The following KCNC1 variants were observed in gnomAD, a reference collection of about 807,000 sequenced individuals.
The protein encoded by KCNC1 is potassium voltage-gated channel subfamily C member 1, also known as voltage-gated potassium channel KCNC1.
KCNC1 carries 8 observed loss-of-function variants against 43.4 expected under a neutral mutation model. The observed-to-expected ratio is 0.18, with a 90% confidence interval of 0.11 to 0.33. The LOEUF (loss-of-function observed/expected upper bound fraction) is 0.33, where lower values mean the gene tolerates loss of function less well. Among genes scored for constraint, KCNC1 ranks in the 10% least tolerant of loss-of-function variants. The pLI is 1.00. For synonymous variants in KCNC1, 361 were observed against 360.5 expected (o/e 1.00, Z -0.01); for missense variants, 420 against 836.0 (o/e 0.50, Z 6.14).
At chr11:17,778,247 T>C (rs1011189560) in intron 2 of KCNC1, among the ~76,000 whole-genome samples, 2 of 152,226 alleles carry the variant, frequency 1.3e-5, no homozygotes, top group Non-Finnish European at 2.9e-5. Context: ...TCCACGGCTC[T>C]GCTCCGAGAT....
chr11:17,778,074 T>C (rs1030539015), intron 2 of KCNC1, among the ~76,000 whole-genome samples: 1 of 152,188 alleles, frequency 6.6e-6, no homozygotes, highest in African/African-American at 2.4e-5. Context: ...ACAAAAGGGC[T>C]TGTGCTTGAG....
chr11:17,765,293 CAGCTCCGATCCGAA>C (rs1457637437), intron 1 of KCNC1, among the ~76,000 whole-genome samples: 6 of 152,248 alleles, frequency 3.9e-5, no homozygotes, highest in African/African-American at 1.4e-4. Flanking sequence ...AACCCCCGAA[CAGCTCCGATCCGAA>C]AGGCAAGCAC....
At chr11:17,769,618 G>A (rs1042414693) in intron 1 of KCNC1, among the ~76,000 whole-genome samples, 1 of 151,968 alleles carries the variant, frequency 6.6e-6, no homozygotes, top group Non-Finnish European at 1.5e-5. Flanking sequence ...AAGGCAGGAG[G>A]CTTACCTGAG....
Position 17,735,931 on chromosome 11 carries a change from C to G in KCNC1, c.-72C>G. ...GGAAGAGGGCGCGCGCCCCCCTCCC[C>G]GGCGCCAACTCCCCCTGGCGGCCGC... On this transcript the variant is annotated 5_prime_UTR_variant, in exon 1 of 4. Transcript: ENST00000265969. The surrounding 1 kb of genome is among the most constrained non-coding windows in gnomAD (Gnocchi z 6.7). 1 of 1,379,098 alleles carries G rather than the reference C, an allele frequency of 7.3e-7. No individual in the cohort carries two copies. Among genetic ancestry groups the G allele is most frequent in the Non-Finnish European group, 9.3e-7 (1 of 1,074,620 alleles). The allele number at this position is 1,379,098 out of a possible 1,614,324, so 85.4% of individuals were successfully genotyped here.
In KCNC1 at chr11:17,779,844, A is replaced by C. The variant is rs944271573; in HGVS notation, c.1693+200A>C. On this transcript the variant is annotated intron_variant, in intron 3 of 3. Coordinates refer to ENST00000265969, the MANE Select transcript of KCNC1 (RefSeq NM_001112741.2). The surrounding 1 kb of genome is among the most constrained non-coding windows in gnomAD (Gnocchi z 7.2). ...AGTGAGATGTCAGGCTGGCAGAGAGAACTTGAGGCCCTGGCAGCTGTGGGT... is the reference window on the plus strand; with the variant it reads ...AGTGAGATGTCAGGCTGGCAGAGAGCACTTGAGGCCCTGGCAGCTGTGGGT... The C allele has an allele frequency of 9.1e-6, 4 of 439,742 alleles. No homozygotes were observed. Among genetic ancestry groups the C allele is most frequent in the Non-Finnish European group, 1.6e-5 (4 of 252,128 alleles). 27.2% of individuals were successfully genotyped at this position (439,742 alleles called of 1,614,324 possible). A position where few individuals can be genotyped will look rare whatever the true frequency, so the allele number is the denominator to read the frequency against.
chr11:17,775,281 T>TGGCCCCCCCCCCCCC, intron 2 of KCNC1: 1 of 935,852 alleles, frequency 1.1e-6, no homozygotes, highest in Non-Finnish European at 1.3e-6. Flanking sequence ...TCTGAGGGCA[T>TGGCCCCCCCCCCCCC]CCCTCCCGCC....
At chr11:17,775,609 T>C (rs2133807717) in intron 2 of KCNC1, 1 of 985,610 alleles carries the variant, frequency 1.0e-6, no homozygotes, top group African/African-American at 1.7e-5. Context: ...TGCAGTCGGA[T>C]GCCCAGACCG....
chr11:17,734,801 G>T lies in KCNC1; in HGVS notation c.-1202G>T. On this transcript the variant is annotated 5_prime_UTR_variant, in exon 1 of 4. Transcript: ENST00000265969. ...ACGCGGACCGCGCGAACGAGCAGGC[G>T]ACGGGCGAGCAGCAAGCGGAGCAGC... The T allele has an allele frequency of 1.3e-5, 2 of 151,718 alleles. No homozygotes were observed. The highest frequency in any genetic ancestry group is 3.9e-4 in the South Asian group (2 of 5,166). 9.4% of individuals were successfully genotyped at this position (151,718 alleles called of 1,614,324 possible).
At chr11:17,774,779 C>G in intron 2 of KCNC1, 1 of 985,466 alleles carries the variant, frequency 1.0e-6, no homozygotes, top group Non-Finnish European at 1.2e-6. Flanking sequence ...TGCCTGGATC[C>G]CTCCTGCCTC....
At chr11:17,737,046 C>T (rs527588961) in intron 1 of KCNC1, among the ~76,000 whole-genome samples, 3 of 152,280 alleles carry the variant, frequency 2.0e-5, no homozygotes, top group East Asian at 1.9e-4. Flanking sequence ...CAGGTAAAGG[C>T]GCATCTGGAG....
chr11:17,772,638 C>T, intron 2 of KCNC1, 40 bp downstream of exon 2: 1 of 1,597,538 alleles, frequency 6.3e-7, no homozygotes, highest in African/African-American at 1.3e-5. Flanking sequence ...TGACCTTTCA[C>T]CTCTGCCCCC....
chr11:17,775,355 T>C (rs925042746), intron 2 of KCNC1: 2 of 982,310 alleles, frequency 2.0e-6, no homozygotes. Context: ...CTTGGTCTCG[T>C]CTGAAGCCTC....
Position 17,759,836 on chromosome 11 carries a change from A to G in KCNC1, c.571-11829A>G, listed in dbSNP as rs566042720. On this transcript the variant is annotated intron_variant, in intron 1 of 3. Transcript: ENST00000265969. ...CAGATATAATAATAATGACAATTTG[A>G]AATATTGCTAGAATAACCAAAATAT... is the stretch of plus-strand genomic sequence containing the variant. Among the ~76,000 whole-genome samples the G allele has an allele frequency of 2.6e-5, 4 of 152,354 alleles. No individual in the cohort carries two copies. In the East Asian group the frequency reaches 7.7e-4, roughly 29 times the overall value.
Position 17,772,021 on chromosome 11 carries a change from C to T in KCNC1, c.927C>T (p.Phe309=), listed in dbSNP as rs1455532885. The part of the protein sequence containing the change: ...SSKAAKDVLG[F]LRVVRFVRIL... ...AGGCAGCCAAGGACGTGCTGGGCTT[C>T]CTGCGCGTCGTCCGCTTCGTGCGCA... is the stretch of plus-strand genomic sequence containing the variant. The change falls in exon 2 of 4, where the codon TTC becomes TTT. Residue 309 remains phenylalanine, a synonymous_variant. Coordinates refer to ENST00000265969, the MANE Select transcript of KCNC1 (RefSeq NM_001112741.2). 6.2e-7 allele frequency: 1 copy of T among 1,613,700 alleles called. No homozygotes were observed. Among genetic ancestry groups the T allele is most frequent in the South Asian group, 1.1e-5 (1 of 91,082 alleles).
intron 1 of KCNC1, among the ~76,000 whole-genome samples, chr11:17,757,934 T>C (rs951636113): frequency 8.5e-5 from 13 of 152,192 alleles, no homozygotes; most frequent in Non-Finnish European, 1.8e-4. Context: ...GGGGTGGACA[T>C]AGCAATTTTG....
chr11:17,769,140 A>G (rs1849192938), intron 1 of KCNC1, among the ~76,000 whole-genome samples: 2 of 152,134 alleles, frequency 1.3e-5, no homozygotes, highest in Admixed American at 6.5e-5. Flanking sequence ...AGCCTCTTCT[A>G]GTTCATAGGG....
At position 17,781,744 on chromosome 11, in the gene KCNC1, T is replaced by G. The variant is rs1484183116; in HGVS notation, c.*10T>G. The G allele has an allele frequency of 3.2e-6, 5 of 1,547,902 alleles. No individual in the cohort carries two copies. Among genetic ancestry groups the G allele is most frequent in the Non-Finnish European group, 2.6e-6 (3 of 1,143,510 alleles). On this transcript the variant is annotated 3_prime_UTR_variant, in exon 4 of 4. Coordinates refer to ENST00000265969, the MANE Select transcript of KCNC1 (RefSeq NM_001112741.2). This position sits in a 1 kb window ranked among gnomAD's most constrained non-coding sequence, Gnocchi z 5.1. ...TGTGAGAGTGACTTGACCAGGCGGCTTGGCCGAGGACACTGGTGGCTATTA... is the reference window on the plus strand; with the variant it reads ...TGTGAGAGTGACTTGACCAGGCGGCGTGGCCGAGGACACTGGTGGCTATTA...
chr11:17,773,489 T>C lies in KCNC1; in HGVS notation c.1504+891T>C. On this transcript the variant is annotated intron_variant, in intron 2 of 3. Transcript: ENST00000265969. The surrounding 1 kb of genome is among the most constrained non-coding windows in gnomAD (Gnocchi z 4.1). The stretch of plus-strand genomic sequence containing the variant: ...CGAGGGTTCTCCCCGTTTCCAGCGG[T>C]AGGGACTGCAGCAGCAATATAGACA... 1 of 975,500 alleles carries C rather than the reference T, an allele frequency of 1.0e-6. No individual in the cohort carries two copies. Among genetic ancestry groups the C allele is most frequent in the Non-Finnish European group, 1.2e-6 (1 of 827,890 alleles). The allele number at this position is 975,500 out of a possible 1,614,324, so 60.4% of individuals were successfully genotyped here. A position where few individuals can be genotyped will look rare whatever the true frequency, so the allele number is the denominator to read the frequency against.
chr11:17,776,689 A>G lies in KCNC1; in HGVS notation c.1505-2767A>G. On this transcript the variant is annotated intron_variant, in intron 2 of 3. Coordinates refer to ENST00000265969, the MANE Select transcript of KCNC1 (RefSeq NM_001112741.2). The surrounding 1 kb of genome is among the most constrained non-coding windows in gnomAD (Gnocchi z 4.4). ...GGGAGGCAGGGCCCCCAGCCTCTGG[A>G]AAGCAGGTGGGAATGGAGGCTCCTA... 1.0e-6 allele frequency: 1 copy of G among 984,964 alleles called. No homozygotes were observed. Among genetic ancestry groups the G allele is most frequent in the Non-Finnish European group, 1.2e-6 (1 of 829,822 alleles). The allele number at this position is 984,964 out of a possible 1,614,324, so 61.0% of individuals were successfully genotyped here. A position where few individuals can be genotyped will look rare whatever the true frequency, so the allele number is the denominator to read the frequency against.
Sources: allele counts gnomAD v4.1 joint callset (sites outside exome capture counted in the v4.1 genomes callset), GRCh38; gene constraint gnomAD v4.1.1; non-coding constraint Gnocchi (gnomAD v3.1); transcripts MANE v1.5; gene names NCBI Gene and HGNC (gene_info 2026-07-23, HGNC 2026-07-21).